UGT2B4: variants seen among roughly 807,000 people sequenced by gnomAD.
The protein encoded by UGT2B4 is UDP-glucuronosyltransferase 2B4.
UGT2B4 carries 49 observed loss-of-function variants against 49.8 expected under a neutral mutation model. The ratio of observed to expected loss-of-function variants is 0.98; its 90% CI spans 0.78 to 1.25. The LOEUF (loss-of-function observed/expected upper bound fraction) is 1.25. Among genes scored for constraint, UGT2B4 ranks in the 50% most tolerant of loss-of-function variants. The pLI is 0.00. For missense variants in UGT2B4, 729 were observed against 627.7 expected, an observed-to-expected ratio of 1.16 and a Z score of -1.73; for synonymous variants, 246 against 217.7, an observed-to-expected ratio of 1.13 and a Z score of -1.14.
chr4:69,507,774 A>G (rs1728512120), intron 1 of UGT2B4, among the ~76,000 whole-genome samples: 1 of 152,182 alleles, frequency 6.6e-6, no homozygotes, highest in African/African-American at 2.4e-5. Flanking sequence ...CAAACTATGC[A>G]ATAGCATTCA....
At chr4:69,491,715 G>A (rs538790001) in intron 2 of UGT2B4, among the ~76,000 whole-genome samples, 2 of 151,914 alleles carry the variant, frequency 1.3e-5, no homozygotes, top group East Asian at 1.9e-4. Context: ...TCCACACCTC[G>A]TACTCTCTTC....
intron 1 of UGT2B4, among the ~76,000 whole-genome samples, chr4:69,502,185 T>G (rs1728357132): frequency 1.7e-5 from 1 of 60,320 alleles, no homozygotes; most frequent in African/African-American, 4.9e-5. Flanking sequence ...CTTCATTCAG[T>G]TGTTATTTAT....
At position 69,486,628 on chromosome 4, in the gene UGT2B4, T is replaced by G; in HGVS notation, c.1071A>C (p.Ile357=). ...LGLNTRLYKW[I]PQNDLLGHPK... ...ACTTACCAAGAAGATCATTCTGGGG[T>G]ATCCACTTGTACAGCCGAGTATTGA... The change falls in exon 4 of 6, where the codon ATA becomes ATC. Residue 357 remains isoleucine (I), a synonymous_variant. Transcript: ENST00000305107. 1 of 1,605,360 alleles carries G rather than the reference T, an allele frequency of 6.2e-7. No individual in the cohort carries two copies. The highest frequency in any genetic ancestry group is 8.5e-7 in the Non-Finnish European group (1 of 1,176,988).
At position 69,493,740 on chromosome 4, in the gene UGT2B4, C is replaced by T. The variant is rs772132190; in HGVS notation, c.823G>A (p.Glu275Lys). 5.0e-6 allele frequency: 8 copies of T among 1,611,230 alleles called. No individual in the cohort carries two copies. Among genetic ancestry groups the T allele is most frequent in the Non-Finnish European group, 6.8e-6 (8 of 1,178,870 alleles). ...QFPHPLLPNVEFVGGLHCKPA... is the reference protein window; with the variant it reads ...QFPHPLLPNVKFVGGLHCKPA... Reference sequence around the variant, plus strand: ...TTGCAGTGGAGTCCTCCAACGAACTCAACATTTGGTAAGAGTGGGTGAGGA... The same window carrying T: ...TTGCAGTGGAGTCCTCCAACGAACTTAACATTTGGTAAGAGTGGGTGAGGA... Residue 275 changes from glutamate (E) to lysine (K), a missense_variant, in exon 2 of 6, where the codon GAG becomes AAG. Transcript: ENST00000305107.
At chr4:69,504,688 T>C (rs1005217950) in intron 1 of UGT2B4, among the ~76,000 whole-genome samples, 1 of 152,048 alleles carries the variant, frequency 6.6e-6, no homozygotes, top group African/African-American at 2.4e-5. Context: ...TCAGGTACCA[T>C]CCCTGAGAAT....
At chr4:69,481,177 G>C (rs1727581126) in intron 5 of UGT2B4, among the ~76,000 whole-genome samples, 1 of 151,300 alleles carries the variant, frequency 6.6e-6, no homozygotes, top group Non-Finnish European at 1.5e-5. Context: ...GCTGAGGCAG[G>C]AGAATCGCTT....
chr4:69,495,507 A>T lies in UGT2B4; in HGVS notation c.355T>A (p.Phe119Ile), dbSNP rs1245659435. 1 of 1,612,238 alleles carries T rather than the reference A, an allele frequency of 6.2e-7. No individual in the cohort carries two copies. The highest frequency in any genetic ancestry group is 8.5e-7 in the Non-Finnish European group (1 of 1,178,980). The stretch of plus-strand genomic sequence containing the variant: ...CAGAACTTTCTAAGTATGTCATTAA[A>T]TGTCCACATGATTTCTTGTACTTGT... ...FSQVQEIMWTFNDILRKFCKD... is the reference protein window; with the variant it reads ...FSQVQEIMWTINDILRKFCKD... Residue 119 changes from phenylalanine (F) to isoleucine (I), a missense_variant, in exon 1 of 6, where the codon TTT becomes ATT. By Grantham distance (21) the Phe-to-Ile change is conservative. Coordinates refer to ENST00000305107, the MANE Select transcript of UGT2B4 (RefSeq NM_021139.3).
intron 1 of UGT2B4, among the ~76,000 whole-genome samples, chr4:69,512,572 G>A (rs1321210897): frequency 6.6e-6 from 1 of 152,120 alleles, no homozygotes; most frequent in Admixed American, 6.6e-5. Flanking sequence ...TATATGTCCA[G>A]TAAGGAAATT....
chr4:69,517,162 C>T (rs1404355351), intron 1 of UGT2B4, among the ~76,000 whole-genome samples: 1 of 151,976 alleles, frequency 6.6e-6, no homozygotes, highest in Non-Finnish European at 1.5e-5. Flanking sequence ...AAATATTCTA[C>T]TGTATTTTGC....
In UGT2B4 at chr4:69,510,982, C is replaced by CTTT. The variant is rs1259714505; in HGVS notation, c.-106+14702_-106+14704dup. On this transcript the variant is annotated intron_variant, in intron 1 of 1. Coordinates refer to the UGT2B4 transcript ENST00000510114. The stretch of plus-strand genomic sequence containing the variant: ...GCTTTTCATAAATACTCTTTCTTTT[C>CTTT]TTTTCTTCTTTTTTTTTTTTTTTTT... Among the ~76,000 whole-genome samples the CTTT allele has an allele frequency of 2.4e-3, 271 of 110,876 alleles. 12 individuals carry two copies. The highest frequency in any genetic ancestry group is 2.8e-3 in the Non-Finnish European group (160 of 56,286). 72.7% of individuals were successfully genotyped at this position (110,876 alleles called of 152,430 possible).
At chr4:69,494,335 AC>A (rs1728080988) in intron 1 of UGT2B4, among the ~76,000 whole-genome samples, 1 of 152,144 alleles carries the variant, frequency 6.6e-6, no homozygotes, top group African/African-American at 2.4e-5. Context: ...AAATCCTTGT[AC>A]CTACTACTGC....
At position 69,502,069 on chromosome 4, in the gene UGT2B4, T is replaced by TC. The variant is rs1474718833; in HGVS notation, c.-105-6104dup. Among the ~76,000 whole-genome samples, 11 of 149,482 alleles carry TC rather than the reference T, an allele frequency of 7.4e-5. 1 individual carries two copies. The highest frequency in any genetic ancestry group is 2.7e-4 in the African/African-American group (11 of 40,280). On this transcript the variant is annotated intron_variant, in intron 1 of 1. Transcript: ENST00000510114. ...CTTGTCTCTCTTTCCCTTCCTTCCT[T>TC]CTTTTCTTTCTTTCTTTCTCTCTCT...
intron 1 of UGT2B4, among the ~76,000 whole-genome samples, chr4:69,524,925 C>A (rs1047264457): frequency 6.6e-6 from 1 of 152,028 alleles, no homozygotes; most frequent in South Asian, 2.1e-4. Context: ...CAGAGTGTGG[C>A]TAACGGAAAG....
At chr4:69,520,577 C>A (rs1202232497) in intron 1 of UGT2B4, among the ~76,000 whole-genome samples, 3 of 152,250 alleles carry the variant, frequency 2.0e-5, no homozygotes, top group Non-Finnish European at 4.4e-5. Context: ...ACTCCCGGAA[C>A]CCAGTCTGGG....
chr4:69,498,547 C>A (rs1393910683), upstream of UGT2B4, among the ~76,000 whole-genome samples: 3 of 151,292 alleles, frequency 2.0e-5, no homozygotes, highest in Non-Finnish European at 2.9e-5. Flanking sequence ...TTATTACTGC[C>A]TCCATTTCAG....
chr4:69,525,217 T>C (rs1728953539), intron 1 of UGT2B4, among the ~76,000 whole-genome samples: 1 of 152,108 alleles, frequency 6.6e-6, no homozygotes, highest in Non-Finnish European at 1.5e-5. Flanking sequence ...ACAAGTAAAG[T>C]CAAGAGCTCA....
intron 1 of UGT2B4, among the ~76,000 whole-genome samples, chr4:69,514,506 A>G (rs1728682166): frequency 6.6e-6 from 1 of 152,094 alleles, no homozygotes; most frequent in Non-Finnish European, 1.5e-5. Flanking sequence ...GTTGTATAGG[A>G]GTGGGGAGAG....
chr4:69,499,749 G>T (rs550261682), upstream of UGT2B4, among the ~76,000 whole-genome samples: 4 of 152,224 alleles, frequency 2.6e-5, no homozygotes, highest in Admixed American at 6.5e-5. Flanking sequence ...TTGAGCCTAT[G>T]TGTGTCTTTG....
chr4:69,504,348 C>T (rs1728418161), intron 1 of UGT2B4, among the ~76,000 whole-genome samples: 1 of 151,994 alleles, frequency 6.6e-6, no homozygotes, highest in Non-Finnish European at 1.5e-5. Context: ...ATCATAGGAG[C>T]AAAATATAGT....
Sources: gnomAD v4.1 joint callset for allele counts (sites outside exome capture counted in the v4.1 genomes callset) on GRCh38, gnomAD v4.1.1 for gene constraint, MANE v1.5 for transcripts, NCBI Gene and HGNC (gene_info 2026-07-23, HGNC 2026-07-21) for gene names.